Variants in MICAL2 observed in about 807,000 individuals in gnomAD.
The protein encoded by MICAL2 is [F-actin]-monooxygenase MICAL2.
MICAL2 carries 77 observed loss-of-function variants against 127.3 expected under a neutral mutation model. The ratio of observed to expected loss-of-function variants is 0.60; its 90% CI spans 0.50 to 0.73. The LOEUF (loss-of-function observed/expected upper bound fraction) is 0.73. Among genes scored for constraint, MICAL2 ranks in the 30% least tolerant of loss-of-function variants. The pLI is 0.00. For synonymous variants in MICAL2, 570 were observed against 551.1 expected (o/e 1.03, Z -0.48); for missense variants, 1,351 against 1,434.4 (o/e 0.94, Z 0.94).
chr11:12,280,008 AACAC>A (rs1383807011), intron 1 of MICAL2, among the ~76,000 whole-genome samples: 3 of 152,238 alleles, frequency 2.0e-5, no homozygotes, highest in Admixed American at 1.3e-4. Flanking sequence ...TAGTTTCACT[AACAC>A]ATCACTGCTT....
At chr11:12,197,924 T>A (rs1306271239) in intron 3 of MICAL2, 1 of 152,212 alleles carries the variant, frequency 6.6e-6, no homozygotes, top group African/African-American at 2.4e-5. Flanking sequence ...GGATACCTTT[T>A]TCCATTTTAT....
intron 3 of MICAL2, among the ~76,000 whole-genome samples, chr11:12,190,338 A>T (rs1033964698): frequency 6.6e-6 from 1 of 152,140 alleles, no homozygotes; most frequent in African/African-American, 2.4e-5. Context: ...TGTGGGTTGG[A>T]TATCAGATGT....
chr11:12,260,509 C>T lies in MICAL2; in HGVS notation c.3334+612C>T, dbSNP rs1171098034. The stretch of plus-strand genomic sequence containing the variant: ...CTAAACATGGGTTTGAAGCTTATAA[C>T]CAGTTTTATAAACCCCTTGAACACT... On this transcript the variant is annotated intron_variant, in intron 26 of 27. Transcript: ENST00000683283. 4 of 1,049,688 alleles carry T rather than the reference C, an allele frequency of 3.8e-6. No individual in the cohort carries two copies. The East Asian group carries it at 2.3e-4, about 61-fold the overall frequency. 65.0% of individuals were successfully genotyped at this position (1,049,688 alleles called of 1,614,324 possible).
intron 15 of MICAL2, among the ~76,000 whole-genome samples, chr11:12,235,396 C>T (rs528399017): frequency 2.0e-5 from 3 of 152,018 alleles, no homozygotes; most frequent in Non-Finnish European, 2.9e-5. Flanking sequence ...GGCTGTGAGG[C>T]GTTCTCAGTA....
intron 2 of MICAL2, among the ~76,000 whole-genome samples, chr11:12,157,743 A>G (rs1260959490): frequency 2.6e-5 from 4 of 152,134 alleles, no homozygotes; most frequent in Admixed American, 6.6e-5. Context: ...GAGGGGAAGG[A>G]TAGCCACCAA....
intron 11 of MICAL2, 31 bp from the exon 12 acceptor site, chr11:12,223,380 T>C: frequency 6.3e-7 from 1 of 1,590,962 alleles, no homozygotes; most frequent in Non-Finnish European, 8.6e-7. Context: ...GGGGGAAAAC[T>C]GGTGGGCAAG....
At chr11:12,117,921 C>G (rs1000338821) in intron 1 of MICAL2, among the ~76,000 whole-genome samples, 1 of 152,240 alleles carries the variant, frequency 6.6e-6, no homozygotes, top group Admixed American at 6.5e-5. Flanking sequence ...AGGATTCACT[C>G]AGCCTTTTTC....
At chr11:12,342,354 G>A (rs1284148267) in intron 32 of MICAL2, among the ~76,000 whole-genome samples, 1 of 152,230 alleles carries the variant, frequency 6.6e-6, no homozygotes, top group African/African-American at 2.4e-5. Context: ...GTCTTCCCAA[G>A]AAGTGCGGAT....
intron 29 of MICAL2, among the ~76,000 whole-genome samples, chr11:12,313,204 A>G (rs1864195165): frequency 6.6e-6 from 1 of 151,752 alleles, no homozygotes; most frequent in Non-Finnish European, 1.5e-5. Flanking sequence ...AGAGTCAAAC[A>G]AGACAAGTCA....
chr11:12,269,407 C>T (rs770316116), intron 24 of MICAL2, among the ~76,000 whole-genome samples: 24 of 152,200 alleles, frequency 1.6e-4, no homozygotes, highest in Admixed American at 2.6e-4. Flanking sequence ...AAGCAGGTTC[C>T]AAGAAGAAGG....
At chr11:12,271,440 C>T (rs1863674921), upstream of MICAL2, among the ~76,000 whole-genome samples, 2 of 152,210 alleles carry the variant, frequency 1.3e-5, no homozygotes. Flanking sequence ...ACATGTGCAG[C>T]TGCTCTGTGC....
chr11:12,242,530 C>T lies in MICAL2; in HGVS notation c.2556+98C>T, dbSNP rs144455306. 1,251 of 1,441,258 alleles carry T rather than the reference C, an allele frequency of 8.7e-4. 11 individuals are homozygous for T. In the African/African-American group the frequency reaches 0.015, roughly 17 times the overall value. The allele number at this position is 1,441,258 out of a possible 1,614,324, so 89.3% of individuals were successfully genotyped here. On this transcript the variant is annotated intron_variant, in intron 19 of 27. Coordinates refer to ENST00000683283, the MANE Select transcript of MICAL2 (RefSeq NM_001282663.2). The stretch of plus-strand genomic sequence containing the variant: ...CCGGGTGGGTTCCTCCTCCCTCTGC[C>T]CACCCCCTGTCTCTCATCCTGCTGT...
intron 3 of MICAL2, among the ~76,000 whole-genome samples, chr11:12,200,725 T>C (rs1441018458): frequency 6.6e-6 from 1 of 152,222 alleles, no homozygotes. Context: ...AAAACCGAGC[T>C]TTCGCCAATG....
chr11:12,169,530 C>T (rs527818148), intron 3 of MICAL2, among the ~76,000 whole-genome samples: 7 of 152,266 alleles, frequency 4.6e-5, no homozygotes, highest in African/African-American at 1.2e-4. Flanking sequence ...GGACTACAGG[C>T]GTGAGCAACC....
chr11:12,161,818 A>G (rs533653405), intron 2 of MICAL2: 2 of 362,350 alleles, frequency 5.5e-6, no homozygotes, highest in Non-Finnish European at 1.0e-5. Context: ...TAGCCAGGGC[A>G]TAGCCCTGTG....
intron 29 of MICAL2, among the ~76,000 whole-genome samples, chr11:12,305,824 C>T (rs1864103516): frequency 6.6e-6 from 1 of 152,044 alleles, no homozygotes; most frequent in Non-Finnish European, 1.5e-5. Context: ...TTGTAGAGAC[C>T]TTGTACAATT....
chr11:12,154,128 T>C (rs1853901540), intron 2 of MICAL2, among the ~76,000 whole-genome samples: 1 of 152,208 alleles, frequency 6.6e-6, no homozygotes, highest in Non-Finnish European at 1.5e-5. Flanking sequence ...AAGGGCCCTG[T>C]AGTCCCTCGG....
At chr11:12,214,224 T>C (rs890000995) in intron 7 of MICAL2, among the ~76,000 whole-genome samples, 1 of 152,230 alleles carries the variant, frequency 6.6e-6, no homozygotes, top group African/African-American at 2.4e-5. Context: ...ACTTTTCCTT[T>C]CTTTTTAACC....
chr11:12,152,373 TGTGCAAGACAGTA>T (rs1853693895), intron 2 of MICAL2, among the ~76,000 whole-genome samples: 1 of 147,366 alleles, frequency 6.8e-6, no homozygotes, highest in African/African-American at 2.5e-5. Context: ...CCTGATGTGG[TGTGCAAGACAGTA>T]GTGCTTGTGT....
Sources: allele counts gnomAD v4.1 joint callset (sites outside exome capture counted in the v4.1 genomes callset), GRCh38; gene constraint gnomAD v4.1.1; transcripts MANE v1.5; gene names NCBI Gene and HGNC (gene_info 2026-07-23, HGNC 2026-07-21).